Variants in WWC2 observed in about 807,000 individuals in gnomAD.
WWC2 encodes WW and C2 domain containing 2.
In WWC2, 101 loss-of-function variants were observed where a neutral mutation model predicts 138.5. The ratio of observed to expected loss-of-function variants is 0.73; its 90% CI spans 0.62 to 0.86. The LOEUF is 0.86. Ranked by LOEUF, WWC2 falls within the 40% of genes least tolerant of loss-of-function variation. WWC2 has a pLI of 0.00. For synonymous variants in WWC2, 558 were observed against 538.4 expected (o/e 1.04, Z -0.50); for missense variants, 1,420 against 1,419.4 (o/e 1.00, Z -0.01).
chr4:183,303,289 T>C (rs1266239909), intron 21 of WWC2, among the ~76,000 whole-genome samples: 1 of 152,204 alleles, frequency 6.6e-6, no homozygotes, highest in African/African-American at 2.4e-5. Context: ...AAACTGCTGG[T>C]TCAAAAATTG....
At chr4:183,187,650 C>G (rs1174158465) in intron 1 of WWC2, among the ~76,000 whole-genome samples, 1 of 150,428 alleles carries the variant, frequency 6.6e-6, no homozygotes, top group Non-Finnish European at 1.5e-5. Flanking sequence ...GTGGGTAGAT[C>G]ACCTGAGGTC....
At chr4:183,118,534 TC>T (rs1732498932) in intron 1 of WWC2, among the ~76,000 whole-genome samples, 1 of 152,230 alleles carries the variant, frequency 6.6e-6, no homozygotes, top group African/African-American at 2.4e-5. Flanking sequence ...ATGTGAAAAA[TC>T]TTTTGTCCTG....
chr4:183,263,937 G>C (rs1228862626), intron 11 of WWC2, among the ~76,000 whole-genome samples: 1 of 152,160 alleles, frequency 6.6e-6, no homozygotes, highest in Non-Finnish European at 1.5e-5. Flanking sequence ...TCCAGTGCCA[G>C]TCCCTGCTGG....
At chr4:183,171,113 G>T (rs1292253356) in intron 1 of WWC2, among the ~76,000 whole-genome samples, 1 of 152,116 alleles carries the variant, frequency 6.6e-6, no homozygotes, top group Non-Finnish European at 1.5e-5. Flanking sequence ...TGTTTACAGG[G>T]TTCTTAACAC....
In WWC2 at chr4:183,193,552, G is replaced by A. The variant is rs760458332; in HGVS notation, c.132-47G>A. On this transcript the variant is annotated intron_variant, in intron 1 of 22. Coordinates refer to ENST00000403733, the MANE Select transcript of WWC2 (RefSeq NM_024949.6). The stretch of plus-strand genomic sequence containing the variant: ...TAGGGTGCTGAATTTTGACATATGC[G>A]GTTTGACGGAAAGAATCACTGGTGT... 76 of 1,556,356 alleles carry A rather than the reference G, an allele frequency of 4.9e-5. 1 individual carries two copies. The Admixed American group carries it at 1.1e-3, about 22-fold the overall frequency.
chr4:183,262,457 T>A lies in WWC2; in HGVS notation c.1909+925T>A, dbSNP rs1269106687. Reference sequence around the variant, plus strand: ...GAAGCATTTTTATTTGTATGTATGGTCCTAAGAATTCTGAGTAATTGATTG... The same window carrying A: ...GAAGCATTTTTATTTGTATGTATGGACCTAAGAATTCTGAGTAATTGATTG... On this transcript the variant is annotated intron_variant, in intron 11 of 22. Transcript: ENST00000403733. Among the ~76,000 whole-genome samples, 8 of 152,342 alleles carry A rather than the reference T, an allele frequency of 5.3e-5. No homozygotes were observed. In the South Asian group the frequency reaches 1.7e-3, roughly 32 times the overall value.
chr4:183,138,921 T>G lies in WWC2; in HGVS notation c.131+39299T>G, dbSNP rs190123491. Reference sequence around the variant, plus strand: ...CAGTGATGTATTGTCAGGCTTGGGATGTACTACAGGTAACAGCTGGATAGG... The same window carrying G: ...CAGTGATGTATTGTCAGGCTTGGGAGGTACTACAGGTAACAGCTGGATAGG... On this transcript the variant is annotated intron_variant, in intron 1 of 22. Coordinates refer to ENST00000403733, the MANE Select transcript of WWC2 (RefSeq NM_024949.6). Among the ~76,000 whole-genome samples, 66 of 152,330 alleles carry G rather than the reference T, an allele frequency of 4.3e-4. 1 individual carries two copies. The East Asian group carries it at 9.8e-3, about 23-fold the overall frequency.
At chr4:183,286,407 G>C (rs1738255343) in intron 20 of WWC2, among the ~76,000 whole-genome samples, 1 of 152,162 alleles carries the variant, frequency 6.6e-6, no homozygotes, top group Non-Finnish European at 1.5e-5. Context: ...AGCGATTGTG[G>C]GAAGGGGTGT....
chr4:183,242,823 A>AT (rs772901607), intron 5 of WWC2, among the ~76,000 whole-genome samples: 68 of 152,366 alleles, frequency 4.5e-4, no homozygotes, highest in Non-Finnish European at 9.6e-4. Flanking sequence ...AACAAAAAGC[A>AT]TGATACTTTA....
chr4:183,222,943 G>C (rs911461787), intron 4 of WWC2, among the ~76,000 whole-genome samples: 2 of 152,154 alleles, frequency 1.3e-5, no homozygotes, highest in Non-Finnish European at 2.9e-5. Flanking sequence ...TCCAGCCTGG[G>C]AGACAGAGTG....
intron 21 of WWC2, among the ~76,000 whole-genome samples, chr4:183,299,157 G>C (rs187391056): frequency 1.5e-3 from 226 of 152,234 alleles, no homozygotes; most frequent in African/African-American, 5.1e-3. Flanking sequence ...GTGGAGGGTA[G>C]GAGGCAGGAG....
intron 4 of WWC2, among the ~76,000 whole-genome samples, chr4:183,215,520 C>T (rs1735730241): frequency 6.6e-6 from 1 of 152,064 alleles, no homozygotes; most frequent in African/African-American, 2.4e-5. Context: ...TCTAATATGA[C>T]ATGCTAGTAA....
At chr4:183,256,375 TAG>T (rs1313127130) in intron 9 of WWC2, among the ~76,000 whole-genome samples, 2 of 152,212 alleles carry the variant, frequency 1.3e-5, no homozygotes, top group South Asian at 2.1e-4. Flanking sequence ...CTTTCCCAAG[TAG>T]ATACAACCTC....
chr4:183,283,230 A>C lies in WWC2; in HGVS notation c.2883+324A>C, dbSNP rs563226178. Among the ~76,000 whole-genome samples the C allele has an allele frequency of 3.0e-4, 45 of 152,354 alleles. 2 individuals are homozygous for C. The South Asian group carries it at 9.1e-3, about 31-fold the overall frequency. On this transcript the variant is annotated intron_variant, in intron 18 of 22. Coordinates refer to ENST00000403733, the MANE Select transcript of WWC2 (RefSeq NM_024949.6). Reference sequence around the variant, plus strand: ...GGAGAACAACAGGGTGTCTTGTGTCAAGTTCCGTATATGTAGTAAGTTTTA... The same window carrying C: ...GGAGAACAACAGGGTGTCTTGTGTCCAGTTCCGTATATGTAGTAAGTTTTA...
intron 1 of WWC2, among the ~76,000 whole-genome samples, chr4:183,124,536 C>CTTTTTTT (rs370409813): frequency 2.0e-4 from 24 of 122,792 alleles, no homozygotes; most frequent in African/African-American, 7.1e-4. Context: ...TCCTTTTTCT[C>CTTTTTTT]TTTTTTTTTT....
intron 9 of WWC2, among the ~76,000 whole-genome samples, chr4:183,256,518 C>T (rs1737146237): frequency 6.6e-6 from 1 of 152,128 alleles, no homozygotes; most frequent in Non-Finnish European, 1.5e-5. Context: ...CTGCTCATTG[C>T]TGCTGTTGCA....
chr4:183,295,511 C>G (rs966180622), intron 21 of WWC2, among the ~76,000 whole-genome samples: 35 of 152,316 alleles, frequency 2.3e-4, no homozygotes, highest in African/African-American at 8.2e-4. Context: ...CTGCCCTGTC[C>G]TCAGGGAACC....
intron 1 of WWC2, among the ~76,000 whole-genome samples, chr4:183,107,078 TTCTC>T (rs1300524918): frequency 6.6e-6 from 1 of 152,040 alleles, no homozygotes; most frequent in Admixed American, 6.6e-5. Context: ...TCACCAACAC[TTCTC>T]TCTCTTTCTC....
In WWC2 at chr4:183,271,126, T is replaced by G. The variant is rs1580133320; in HGVS notation, c.2447T>G (p.Val816Gly). Residue 816 changes from valine to glycine, a missense_variant, in exon 16 of 23, where the codon GTT becomes GGT. By Grantham distance (109) the Val-to-Gly change is moderately radical. Coordinates refer to ENST00000403733, the MANE Select transcript of WWC2 (RefSeq NM_024949.6). ...GCAGATTTACCATTTTCCAGTGAGG[T>G]TTTCACTCTATGGTATAACTTGCTT... The part of the protein sequence containing the change: ...SLADLPFSSE[V>G]FTLWYNLLPS... The G allele has an allele frequency of 6.2e-7, 1 of 1,611,244 alleles. No homozygotes were observed. The highest frequency in any genetic ancestry group is 1.1e-5 in the South Asian group (1 of 90,514).
Sources: allele counts gnomAD v4.1 joint callset (sites outside exome capture counted in the v4.1 genomes callset), GRCh38; gene constraint gnomAD v4.1.1; transcripts MANE v1.5; gene names NCBI Gene and HGNC (gene_info 2026-07-23, HGNC 2026-07-21).